The following DEPDC5 variants were observed in gnomAD, a reference collection of about 807,000 sequenced individuals.
DEPDC5 encodes the protein DEP domain containing 5, GATOR1 subcomplex subunit, also known as GATOR1 complex protein DEPDC5.
DEPDC5 carries 73 observed loss-of-function variants against 217.3 expected under a neutral mutation model. The ratio of observed to expected loss-of-function variants is 0.34; its 90% CI spans 0.28 to 0.41. The LOEUF (loss-of-function observed/expected upper bound fraction) is 0.41, where lower values mean the gene tolerates loss of function less well. DEPDC5 is among the 10% of genes least tolerant of loss of function. DEPDC5 has a pLI of 1.00. For synonymous variants in DEPDC5, 733 were observed against 756.7 expected, an observed-to-expected ratio of 0.97 and a Z score of 0.51; for missense variants, 1,675 against 2,070.1, an observed-to-expected ratio of 0.81 and a Z score of 3.70.
intron 11 of DEPDC5, among the ~76,000 whole-genome samples, chr22:31,792,316 A>G (rs1254802031): frequency 1.3e-5 from 2 of 152,054 alleles, no homozygotes; most frequent in African/African-American, 4.8e-5. Context: ...CTTAATAGAT[A>G]GACAGTTGGC....
At chr22:31,838,889 T>C (rs753314987) in intron 27 of DEPDC5, 44 bp downstream of exon 27, 11 of 1,562,774 alleles carry the variant, frequency 7.0e-6, no homozygotes, top group East Asian at 2.3e-5. Context: ...TCTTCTACTG[T>C]GTATGTGGAA....
intron 25 of DEPDC5, chr22:31,836,761 T>A: frequency 1.9e-6 from 1 of 519,884 alleles, no homozygotes; most frequent in East Asian, 3.2e-5. Flanking sequence ...CATGATGGGA[T>A]TGGATAAGCA....
At chr22:31,843,500 G>A (rs751055187) in intron 28 of DEPDC5, 145 bp from the exon 29 acceptor site, 25 of 968,568 alleles carry the variant, frequency 2.6e-5, no homozygotes, top group Non-Finnish European at 3.6e-5. Context: ...GAAATTTCTA[G>A]TACCGTTCCC....
At chr22:31,860,137 A>G (rs1450793705) in intron 32 of DEPDC5, among the ~76,000 whole-genome samples, 1 of 152,238 alleles carries the variant, frequency 6.6e-6, no homozygotes, top group Non-Finnish European at 1.5e-5. Flanking sequence ...ACCCATCAGT[A>G]GGGCTGGAAG....
At chr22:31,813,735 G>A (rs1203989505) in intron 20 of DEPDC5, among the ~76,000 whole-genome samples, 4 of 151,612 alleles carry the variant, frequency 2.6e-5, no homozygotes, top group Admixed American at 6.6e-5. Context: ...ATGTTCAGAC[G>A]TGCTCAAATA....
intron 14 of DEPDC5, among the ~76,000 whole-genome samples, chr22:31,800,726 C>T (rs1368726464): frequency 6.6e-6 from 1 of 151,978 alleles, no homozygotes; most frequent in African/African-American, 2.4e-5. Context: ...CCCATAATCC[C>T]AGCACTTTGG....
chr22:31,850,478 A>G (rs1229055818), intron 31 of DEPDC5, among the ~76,000 whole-genome samples: 1 of 152,200 alleles, frequency 6.6e-6, no homozygotes, highest in Non-Finnish European at 1.5e-5. Context: ...TACTGTGCCT[A>G]ATTTATAAAT....
chr22:31,868,236 A>G (rs1305732923), intron 33 of DEPDC5, among the ~76,000 whole-genome samples: 1 of 152,076 alleles, frequency 6.6e-6, no homozygotes, highest in African/African-American at 2.4e-5. Flanking sequence ...ACATTTGGTA[A>G]TATCTGGAGA....
At chr22:31,801,610 G>T (rs16989497) in intron 14 of DEPDC5, among the ~76,000 whole-genome samples, 140 of 152,290 alleles carry the variant, frequency 9.2e-4, no homozygotes, top group African/African-American at 3.3e-3. Context: ...GAACCTTAGT[G>T]GCTCTGGGAA....
intron 8 of DEPDC5, among the ~76,000 whole-genome samples, chr22:31,783,003 G>A (rs2084607255): frequency 6.6e-6 from 1 of 152,188 alleles, no homozygotes; most frequent in Non-Finnish European, 1.5e-5. Context: ...GTGGTGAGAG[G>A]TGAAGCCAGC....
chr22:31,906,840 C>T lies in DEPDC5; in HGVS notation c.*343C>T, dbSNP rs2093767246. 2 of 414,794 alleles carry T rather than the reference C, an allele frequency of 4.8e-6. No homozygotes were observed. The highest frequency in any genetic ancestry group is 6.3e-5 in the South Asian group (2 of 31,914). 25.7% of individuals were successfully genotyped at this position (414,794 alleles called of 1,614,324 possible). On this transcript the variant is annotated 3_prime_UTR_variant, in exon 43 of 43. Transcript: ENST00000651528. The surrounding 1 kb of genome is among the most constrained non-coding windows in gnomAD (Gnocchi z 5.1). ...TGAATGTCCTCGGAAGGGGGTGGCT[C>T]CTGGTAGCATCCTTTTCCTTCACCA...
At chr22:31,844,327 G>A (rs1434035335) in intron 29 of DEPDC5, among the ~76,000 whole-genome samples, 2 of 152,190 alleles carry the variant, frequency 1.3e-5, no homozygotes, top group East Asian at 1.9e-4. Context: ...CCAGGAGGTC[G>A]TGGCTACAGT....
intron 7 of DEPDC5, among the ~76,000 whole-genome samples, chr22:31,775,647 C>T (rs746634962): frequency 2.0e-5 from 3 of 152,152 alleles, no homozygotes; most frequent in Non-Finnish European, 4.4e-5. Flanking sequence ...TGTGTTAATA[C>T]CTGCTGTAGT....
intron 38 of DEPDC5, 113 bp downstream of exon 38, chr22:31,879,865 C>G: frequency 1.9e-6 from 2 of 1,045,456 alleles, no homozygotes; most frequent in Non-Finnish European, 2.8e-6. Flanking sequence ...TCGCTGAGGC[C>G]GTCACACAGG....
chr22:31,815,005 CGA>C lies in DEPDC5; in HGVS notation c.1465_1466del (p.His490GlnfsTer9). ...CTTGCCTGGCAGATCTGTGCGAGAG[CGA>C]GAGAGTCACAGTCGAAAGAGTGCCA... ...CLTTCRSVRE[R>X]ESHSRKSASS... On this transcript the variant is annotated frameshift_variant, in exon 21 of 43. Transcript: ENST00000651528. LOFTEE classifies it high-confidence loss of function. 1.2e-6 allele frequency: 2 copies of C among 1,614,032 alleles called. No homozygotes were observed. Among genetic ancestry groups the C allele is most frequent in the Non-Finnish European group, 1.7e-6 (2 of 1,179,934 alleles).
chr22:31,815,883 G>A (rs896380038), intron 21 of DEPDC5: 6 of 1,072,318 alleles, frequency 5.6e-6, no homozygotes, highest in Non-Finnish European at 6.8e-6. Flanking sequence ...TCATTTAACT[G>A]TATGCCTTTC....
At chr22:31,859,366 C>T (rs1156922369) in intron 32 of DEPDC5, among the ~76,000 whole-genome samples, 1 of 150,026 alleles carries the variant, frequency 6.7e-6, no homozygotes, top group Admixed American at 6.7e-5. Context: ...GTTGGGATTA[C>T]AGGCGTGAGC....
chr22:31,797,926 TC>T (rs1410048886), intron 13 of DEPDC5, among the ~76,000 whole-genome samples: 1 of 150,806 alleles, frequency 6.6e-6, no homozygotes, highest in Non-Finnish European at 1.5e-5. Flanking sequence ...CCAGATGCCT[TC>T]CTTTTTTTTT....
At chr22:31,871,587 C>G (rs1250658639) in intron 34 of DEPDC5, among the ~76,000 whole-genome samples, 1 of 152,240 alleles carries the variant, frequency 6.6e-6, no homozygotes, top group Non-Finnish European at 1.5e-5. Context: ...TTATACCCAT[C>G]AAGCCTACCT....
Sources: allele counts gnomAD v4.1 joint callset (sites outside exome capture counted in the v4.1 genomes callset), GRCh38; gene constraint gnomAD v4.1.1; non-coding constraint Gnocchi (gnomAD v3.1); transcripts MANE v1.5; gene names NCBI Gene and HGNC (gene_info 2026-07-23, HGNC 2026-07-21).